The following LARGE1 variants were observed in gnomAD, a reference collection of about 807,000 sequenced individuals.
LARGE1 encodes LARGE xylosyl- and glucuronyltransferase 1, also known as xylosyl- and glucuronyltransferase LARGE1.
A neutral mutation model predicts 87.6 loss-of-function variants in LARGE1; 43 were observed. The observed-to-expected ratio is 0.49, with a 90% confidence interval of 0.38 to 0.63. The LOEUF is 0.63. Ranked by LOEUF, LARGE1 falls within the 30% of genes least tolerant of loss-of-function variation. LARGE1 has a pLI of 0.00. For synonymous variants in LARGE1, 434 were observed against 394.6 expected (o/e 1.10, Z -1.18); for missense variants, 802 against 1,000.2 (o/e 0.80, Z 2.67).
intron 1 of LARGE1, among the ~76,000 whole-genome samples, chr22:33,845,705 C>T (rs895956530): frequency 6.6e-6 from 1 of 152,046 alleles, no homozygotes. Context: ...ATGTTAAAAA[C>T]ATTAAAACAA....
intron 2 of LARGE1, among the ~76,000 whole-genome samples, chr22:33,722,662 C>T (rs1395598712): frequency 2.0e-5 from 3 of 151,912 alleles, no homozygotes; most frequent in African/African-American, 4.8e-5. Context: ...TAGTAAGTCA[C>T]CCAATGGAGG....
intron 6 of LARGE1, among the ~76,000 whole-genome samples, chr22:33,561,088 A>C (rs2077844062): frequency 6.6e-6 from 1 of 152,220 alleles, no homozygotes; most frequent in African/African-American, 2.4e-5. Flanking sequence ...TGCTGGGATT[A>C]CAGGCGTGAG....
At chr22:33,152,801 T>G in the LARGE1 span, among the ~76,000 whole-genome samples, 2 of 152,126 alleles carry the variant, frequency 1.3e-5, no homozygotes, top group Non-Finnish European at 2.9e-5. Flanking sequence ...ATATTACACA[T>G]ATGTTAGTTC....
intron 2 of LARGE1, among the ~76,000 whole-genome samples, chr22:33,660,049 T>C (rs1376319309): frequency 6.6e-6 from 1 of 151,584 alleles, no homozygotes; most frequent in Non-Finnish European, 1.5e-5. Context: ...GTTCAATGAT[T>C]TCAAAGCTTC....
rs141246086 is a variant in LARGE1, at chr22:33,772,897, C to T, written c.-82-11339G>A. 1.8e-4 allele frequency among the ~76,000 whole-genome samples: 27 copies of T among 152,144 alleles called. 1 individual carries two copies. In the East Asian group the frequency reaches 2.9e-3, roughly 16 times the overall value. ...AATGAACGAATGTGCCATCATCAGG[C>T]GGCCTGCAGTCACTCTCATACTGCT... On this transcript the variant is annotated intron_variant, in intron 1 of 14. Transcript: ENST00000397394.
chr22:33,330,536 A>C (rs1162566860), intron 10 of LARGE1, among the ~76,000 whole-genome samples: 1 of 152,146 alleles, frequency 6.6e-6, no homozygotes, highest in East Asian at 1.9e-4. Context: ...AAAGGGAGAG[A>C]AATGCTAAGG....
chr22:33,134,597 G>T, the LARGE1 span, among the ~76,000 whole-genome samples: 9 of 152,180 alleles, frequency 5.9e-5, no homozygotes, highest in African/African-American at 2.2e-4. Flanking sequence ...TTTTAGGATA[G>T]TGGTCATACC....
At chr22:33,650,968 T>C (rs1173664920) in intron 2 of LARGE1, among the ~76,000 whole-genome samples, 4 of 151,830 alleles carry the variant, frequency 2.6e-5, no homozygotes, top group Non-Finnish European at 5.9e-5. Context: ...TGTTTCTAAG[T>C]AGGCTTCTTA....
At chr22:33,748,003 A>AC (rs1178487531) in intron 2 of LARGE1, among the ~76,000 whole-genome samples, 3 of 126,892 alleles carry the variant, frequency 2.4e-5, no homozygotes, top group African/African-American at 9.8e-5. Context: ...GAAATGGGGC[A>AC]CTGTGTGCCC....
intron 1 of LARGE1, among the ~76,000 whole-genome samples, chr22:33,769,324 T>C (rs904908302): frequency 2.6e-4 from 40 of 152,256 alleles, no homozygotes; most frequent in Admixed American, 9.2e-4. Flanking sequence ...ACTGACTTAG[T>C]GGTTGGAAAT....
the LARGE1 span, among the ~76,000 whole-genome samples, chr22:33,075,350 A>T: frequency 1.3e-5 from 2 of 152,024 alleles, no homozygotes; most frequent in Non-Finnish European, 2.9e-5. Flanking sequence ...TCCTGTGTCT[A>T]TCTGTAGGAG....
intron 7 of LARGE1, among the ~76,000 whole-genome samples, chr22:33,387,224 A>G (rs1416155424): frequency 6.7e-6 from 1 of 148,622 alleles, no homozygotes; most frequent in African/African-American, 2.4e-5. Context: ...CAGGAGTCCA[A>G]GACCAGCCCC....
intron 9 of LARGE1, among the ~76,000 whole-genome samples, chr22:33,380,066 C>T (rs950011774): frequency 2.0e-5 from 3 of 152,220 alleles, no homozygotes; most frequent in Non-Finnish European, 4.4e-5. Flanking sequence ...TTTGGATTCA[C>T]TCTGTCATTG....
At chr22:33,908,292 G>A (rs1320876605) in intron 1 of LARGE1, among the ~76,000 whole-genome samples, 14 of 152,120 alleles carry the variant, frequency 9.2e-5, no homozygotes, top group South Asian at 2.1e-4. Context: ...GTCAGGTTAC[G>A]GCGCAGAAAG....
At chr22:33,646,832 A>G (rs912080839) in intron 3 of LARGE1, among the ~76,000 whole-genome samples, 2 of 152,176 alleles carry the variant, frequency 1.3e-5, no homozygotes, top group Admixed American at 6.5e-5. Context: ...GGTTCAAACG[A>G]TTCTCCTGCC....
At chr22:33,571,868 T>C (rs2078215146) in intron 5 of LARGE1, among the ~76,000 whole-genome samples, 1 of 152,116 alleles carries the variant, frequency 6.6e-6, no homozygotes, top group South Asian at 2.1e-4. Flanking sequence ...TTCAATGTGC[T>C]CTTCACTCTT....
At chr22:33,868,479 G>T (rs1055753866) in intron 1 of LARGE1, among the ~76,000 whole-genome samples, 1 of 152,120 alleles carries the variant, frequency 6.6e-6, no homozygotes, top group Non-Finnish European at 1.5e-5. Context: ...GGGCTGAAAT[G>T]AGGTTAGGTG....
chr22:33,820,230 A>C (rs1472406863), intron 1 of LARGE1, among the ~76,000 whole-genome samples: 3 of 152,114 alleles, frequency 2.0e-5, no homozygotes, highest in East Asian at 1.9e-4. Context: ...CCCATATAAG[A>C]TCTGACATAA....
chr22:33,457,485 T>C (rs1249957175), intron 6 of LARGE1, among the ~76,000 whole-genome samples: 1 of 151,720 alleles, frequency 6.6e-6, no homozygotes, highest in Non-Finnish European at 1.5e-5. Flanking sequence ...TCAATAAACA[T>C]TTAATCAACA....
Sources: allele counts gnomAD v4.1 joint callset (sites outside exome capture counted in the v4.1 genomes callset), GRCh38; gene constraint gnomAD v4.1.1; transcripts MANE v1.5; gene names NCBI Gene and HGNC (gene_info 2026-07-23, HGNC 2026-07-21).